The following MRC1 variants were observed in gnomAD, a reference collection of about 807,000 sequenced individuals.
The protein encoded by MRC1 is mannose receptor C-type 1, also known as macrophage mannose receptor 1.
In MRC1, 62 loss-of-function variants were observed where a neutral mutation model predicts 102.9. That is an observed-to-expected ratio of 0.60 (90% confidence interval 0.49 to 0.74). The LOEUF is 0.74. MRC1 is among the 30% of genes least tolerant of loss of function. The pLI, the probability that MRC1 is intolerant of heterozygous loss-of-function variation, is 0.00. For missense variants in MRC1, 1,237 were observed against 862.8 expected (o/e 1.43, Z -5.43); for synonymous variants, 457 against 298.4 (o/e 1.53, Z -5.48).
In MRC1 at chr10:17,893,084, A is replaced by T. The variant is rs1833703384; in HGVS notation, c.3148-1126A>T. ...ATTTGGGGGCTCCAGCAAAAAAGCA[A>T]AGTGATTTGACCAGGTCTCTTGTCT... is the stretch of plus-strand genomic sequence containing the variant. On this transcript the variant is annotated intron_variant, in intron 22 of 29. Transcript: ENST00000569591. Among the ~76,000 whole-genome samples, 3 of 151,724 alleles carry T rather than the reference A, an allele frequency of 2.0e-5. No homozygotes were observed. In the South Asian group the frequency reaches 6.2e-4, roughly 32 times the overall value.
intron 3 of MRC1, among the ~76,000 whole-genome samples, chr10:17,829,737 C>A (rs1838540437): frequency 1.3e-5 from 2 of 151,464 alleles, no homozygotes; most frequent in African/African-American, 4.9e-5. Context: ...TTTCATGGGT[C>A]CAACTATAGC....
In MRC1 at chr10:17,874,220, G is replaced by A. The variant is rs903740795; in HGVS notation, c.2386+395G>A. On this transcript the variant is annotated intron_variant, in intron 16 of 29. Coordinates refer to ENST00000569591, the MANE Select transcript of MRC1 (RefSeq NM_002438.4). ...CTGGGCCAAAATCCAGATGTTGGCA[G>A]GACCACGCTCCCTTTAGGGGCTCTG... Among the ~76,000 whole-genome samples, 290 of 152,298 alleles carry A rather than the reference G, an allele frequency of 1.9e-3. 1 individual carries two copies. The highest frequency in any genetic ancestry group is 3.0e-3 in the Non-Finnish European group (207 of 68,026).
intron 2 of MRC1, among the ~76,000 whole-genome samples, chr10:17,825,720 G>A (rs1286144046): frequency 1.3e-5 from 2 of 152,176 alleles, no homozygotes; most frequent in African/African-American, 4.8e-5. Flanking sequence ...GTGACAGAGT[G>A]AGATCCTGTC....
At chr10:17,811,746 T>A (rs182760228) in intron 1 of MRC1, among the ~76,000 whole-genome samples, 2 of 152,066 alleles carry the variant, frequency 1.3e-5, no homozygotes, top group Admixed American at 6.5e-5. Flanking sequence ...ATTTTTAATT[T>A]TTTTTATTTT....
chr10:17,841,327 A>G (rs1041534427), intron 5 of MRC1, among the ~76,000 whole-genome samples: 331 of 152,356 alleles, frequency 2.2e-3, no homozygotes, highest in Middle Eastern at 0.014. Context: ...TCCTTGTGAC[A>G]GTGATTTTAA....
chr10:17,828,284 G>A (rs1179875635), intron 3 of MRC1, among the ~76,000 whole-genome samples: 2 of 151,390 alleles, frequency 1.3e-5, no homozygotes, highest in Non-Finnish European at 1.5e-5. Context: ...CACTGTGTTA[G>A]CCAGGATGGT....
chr10:17,842,694 G>A (rs1319767883), intron 5 of MRC1, among the ~76,000 whole-genome samples: 1 of 152,136 alleles, frequency 6.6e-6, no homozygotes. Flanking sequence ...TCTTTGTGTT[G>A]CTAAATTTTT....
chr10:17,909,958 A>G (rs886995609), intron 29 of MRC1, among the ~76,000 whole-genome samples: 4 of 152,190 alleles, frequency 2.6e-5, no homozygotes, highest in African/African-American at 7.2e-5. Context: ...TAAGGTATAT[A>G]TATTTTAATA....
chr10:17,822,948 A>G (rs1838417707), intron 1 of MRC1, 126 bp from the exon 2 acceptor site: 1 of 683,018 alleles, frequency 1.5e-6, no homozygotes, highest in East Asian at 2.7e-5. Context: ...CTTTTCCTGC[A>G]ATCTTAAGTC....
chr10:17,869,577 A>G (rs1307716208), intron 12 of MRC1, among the ~76,000 whole-genome samples: 3 of 152,160 alleles, frequency 2.0e-5, no homozygotes, highest in Non-Finnish European at 4.4e-5. Context: ...ACTGCATTTC[A>G]CTATTCTCTG....
intron 22 of MRC1, among the ~76,000 whole-genome samples, chr10:17,886,530 T>C (rs2130699425): frequency 6.6e-6 from 1 of 152,204 alleles, no homozygotes; most frequent in East Asian, 1.9e-4. Context: ...GCCTCCCAAG[T>C]AGCTGGGATT....
At position 17,848,527 on chromosome 10, in the gene MRC1, G is replaced by T. The variant is rs1325393624; in HGVS notation, c.1064-1052G>T. On this transcript the variant is annotated intron_variant, in intron 6 of 29. Coordinates refer to ENST00000569591, the MANE Select transcript of MRC1 (RefSeq NM_002438.4). ...ATTATACAATTTGATCCTATTAGTAGCGAGGCTGAGGATGTTGACAGCTGG... is the reference window on the plus strand; with the variant it reads ...ATTATACAATTTGATCCTATTAGTATCGAGGCTGAGGATGTTGACAGCTGG... 3.3e-5 allele frequency among the ~76,000 whole-genome samples: 5 copies of T among 152,110 alleles called. No homozygotes were observed. In the South Asian group the frequency reaches 8.3e-4, roughly 25 times the overall value.
At chr10:17,845,667 T>G (rs1412211944) in intron 6 of MRC1, among the ~76,000 whole-genome samples, 1 of 152,026 alleles carries the variant, frequency 6.6e-6, no homozygotes, top group Non-Finnish European at 1.5e-5. Flanking sequence ...AATGTTACCT[T>G]CCCAATCAGT....
chr10:17,850,845 C>A (rs1589177700), intron 7 of MRC1, among the ~76,000 whole-genome samples: 1 of 151,934 alleles, frequency 6.6e-6, no homozygotes, highest in Non-Finnish European at 1.5e-5. Context: ...CTTAAAAGTC[C>A]CCGAAACACT....
chr10:17,894,347 C>T, intron 23 of MRC1, 35 bp downstream of exon 23: 6 of 841,646 alleles, frequency 7.1e-6, no homozygotes, highest in Middle Eastern at 2.2e-4. Context: ...CCTGAAAGAG[C>T]TGGGGTTTTT....
intron 3 of MRC1, among the ~76,000 whole-genome samples, chr10:17,832,447 G>A (rs1467766374): frequency 6.7e-6 from 1 of 150,060 alleles, no homozygotes; most frequent in Non-Finnish European, 1.5e-5. Context: ...CCCAGCTGCT[G>A]GGGAGGCTGA....
intron 4 of MRC1, among the ~76,000 whole-genome samples, chr10:17,838,487 T>C (rs1215488528): frequency 6.6e-6 from 1 of 152,066 alleles, no homozygotes; most frequent in Non-Finnish European, 1.5e-5. Context: ...AAGTGAAATT[T>C]GGCTTGTTTC....
intron 22 of MRC1, 142 bp from the exon 23 acceptor site, chr10:17,894,068 T>C: frequency 1.5e-6 from 1 of 682,694 alleles, no homozygotes; most frequent in Non-Finnish European, 2.7e-6. Flanking sequence ...AAAGTAATGA[T>C]GGATTGAGCA....
chr10:17,814,858 T>G (rs1838286603), intron 1 of MRC1, among the ~76,000 whole-genome samples: 1 of 151,610 alleles, frequency 6.6e-6, no homozygotes, highest in Non-Finnish European at 1.5e-5. Flanking sequence ...AGAGACGGGA[T>G]TTGGTCATGC....
Sources: allele counts gnomAD v4.1 joint callset (sites outside exome capture counted in the v4.1 genomes callset), GRCh38; gene constraint gnomAD v4.1.1; transcripts MANE v1.5; gene names NCBI Gene and HGNC (gene_info 2026-07-23, HGNC 2026-07-21).